C1orf198: variants seen among roughly 807,000 people sequenced by gnomAD.
C1orf198 encodes the protein uncharacterized protein C1orf198.
C1orf198 carries 17 observed loss-of-function variants against 31.4 expected under a neutral mutation model. The observed-to-expected ratio is 0.54, with a 90% CI of 0.37 to 0.81. The LOEUF is 0.81. Among genes scored for constraint, C1orf198 ranks in the 40% least tolerant of loss-of-function variants. The pLI is 0.00. For synonymous variants in C1orf198, 175 were observed against 193.8 expected (o/e 0.90, Z 0.81); for missense variants, 401 against 450.3 (o/e 0.89, Z 0.99).
chr1:230,847,235 C>T (rs1189707111), intron 2 of C1orf198, among the ~76,000 whole-genome samples: 10 of 149,664 alleles, frequency 6.7e-5, no homozygotes, highest in South Asian at 2.1e-4. Flanking sequence ...GCCGAGATCG[C>T]GCCACTGCAC....
chr1:230,846,685 G>A (rs953574489), intron 2 of C1orf198, among the ~76,000 whole-genome samples: 3 of 152,254 alleles, frequency 2.0e-5, no homozygotes, highest in Admixed American at 6.5e-5. Flanking sequence ...CCCATGGGCT[G>A]GACGCGGTGG....
At chr1:230,842,388 T>C (rs774628719) in intron 3 of C1orf198, among the ~76,000 whole-genome samples, 3 of 152,194 alleles carry the variant, frequency 2.0e-5, no homozygotes, top group Non-Finnish European at 4.4e-5. Flanking sequence ...GTGGTATATA[T>C]ATACGATGGA....
At chr1:230,844,307 T>C (rs1669529886) in intron 2 of C1orf198, among the ~76,000 whole-genome samples, 1 of 151,940 alleles carries the variant, frequency 6.6e-6, no homozygotes, top group South Asian at 2.1e-4. Flanking sequence ...TAAAAGGGTG[T>C]GGCACCTCCC....
At chr1:230,847,909 C>T (rs1472399616) in intron 2 of C1orf198, among the ~76,000 whole-genome samples, 3 of 152,206 alleles carry the variant, frequency 2.0e-5, no homozygotes, top group Non-Finnish European at 2.9e-5. Context: ...CATGGGTGTC[C>T]CTGCTAAGAA....
chr1:230,859,453 C>T (rs1427240896), intron 1 of C1orf198, among the ~76,000 whole-genome samples: 1 of 152,114 alleles, frequency 6.6e-6, no homozygotes, highest in Non-Finnish European at 1.5e-5. Flanking sequence ...CATTGTTGGC[C>T]AGGACTTATC....
rs1419738391 is a variant in C1orf198, at chr1:230,868,280, C to T, written c.233G>A (p.Arg78His). 2 of 1,589,628 alleles carry T rather than the reference C, an allele frequency of 1.3e-6. No individual in the cohort carries two copies. Among genetic ancestry groups the T allele is most frequent in the South Asian group, 2.2e-5 (2 of 88,996 alleles). The change falls in exon 1 of 4, where the codon CGC becomes CAC. Residue 78 changes from arginine to histidine, a missense_variant. Coordinates refer to ENST00000366663, the MANE Select transcript of C1orf198 (RefSeq NM_032800.3). ...EIIDRCLVGP[R>H]APAPRDPGDS... ...CCCGGGGTCTCGGGGCGCCGGGGCG[C>T]GCGGCCCCACCAGGCACCGGTCGAT...
rs1164560551 is a variant in C1orf198, at chr1:230,843,311, A to AG, written c.927+42dup. 1 of 1,542,714 alleles carries AG rather than the reference A, an allele frequency of 6.5e-7. No homozygotes were observed. Among genetic ancestry groups the AG allele is most frequent in the Admixed American group, 2.0e-5 (1 of 49,722 alleles). ...GGACCCTCTCGGTTCCCGTGGAATA[A>AG]GGCACCATCCCATCTGAGGACGCGC... On this transcript the variant is annotated intron_variant, in intron 3 of 3. Coordinates refer to ENST00000366663, the MANE Select transcript of C1orf198 (RefSeq NM_032800.3). The surrounding 1 kb of genome is among the most constrained non-coding windows in gnomAD (Gnocchi z 4.9).
chr1:230,840,038 C>G lies in C1orf198; in HGVS notation c.928-130G>C, dbSNP rs1669401449. 2.9e-6 allele frequency: 2 copies of G among 689,084 alleles called. No individual in the cohort carries two copies. Among genetic ancestry groups the G allele is most frequent in the Admixed American group, 3.2e-5 (1 of 31,300 alleles). 42.7% of individuals were successfully genotyped at this position (689,084 alleles called of 1,614,324 possible). ...ACTTCTGTCTCAGAGGTTCCCTGAC[C>G]TCAATTTATCTCAGTGCTTGAAATC... On this transcript the variant is annotated intron_variant, in intron 3 of 3. Transcript: ENST00000366663. The surrounding 1 kb of genome is among the most constrained non-coding windows in gnomAD (Gnocchi z 4.0).
At chr1:230,854,730 T>C (rs771883725) in intron 2 of C1orf198, among the ~76,000 whole-genome samples, 5 of 152,184 alleles carry the variant, frequency 3.3e-5, no homozygotes, top group African/African-American at 4.8e-5. Flanking sequence ...AATATTTCAT[T>C]TTAAGACACA....
chr1:230,866,264 C>G lies in C1orf198; in HGVS notation c.333+1916G>C, dbSNP rs192644338. On this transcript the variant is annotated intron_variant, in intron 1 of 3. Transcript: ENST00000366663. ...GCAGACACTGCAGGCAAAAATGTAC[C>G]CTGGGCCATGTTCCTATGTACCTCT... Among the ~76,000 whole-genome samples, 405 of 152,266 alleles carry G rather than the reference C, an allele frequency of 2.7e-3. 2 individuals carry two copies. The highest frequency in any genetic ancestry group is 4.2e-3 in the Non-Finnish European group (284 of 68,016).
Position 230,843,972 on chromosome 1 carries a change from C to A in C1orf198, c.385-76G>T. 7.1e-7 allele frequency: 1 copy of A among 1,411,944 alleles called. No individual in the cohort carries two copies. The highest frequency in any genetic ancestry group is 9.5e-7 in the Non-Finnish European group (1 of 1,056,502). The allele number at this position is 1,411,944 out of a possible 1,614,324, so 87.5% of individuals were successfully genotyped here. On this transcript the variant is annotated intron_variant, in intron 2 of 3. Transcript: ENST00000366663. The surrounding 1 kb of genome is among the most constrained non-coding windows in gnomAD (Gnocchi z 4.9). ...CGACCGTCACAAGTGTGCCAGCTCA[C>A]GCACCCCTCCTCAGCATAAGGACGC...
chr1:230,844,551 T>C (rs1191273717), intron 2 of C1orf198, among the ~76,000 whole-genome samples: 1 of 152,230 alleles, frequency 6.6e-6, no homozygotes, highest in Non-Finnish European at 1.5e-5. Flanking sequence ...CACTCCCTCA[T>C]GCACTATGCT....
intron 2 of C1orf198, 107 bp downstream of exon 2, chr1:230,855,561 G>T: frequency 8.4e-7 from 1 of 1,193,938 alleles, no homozygotes. Context: ...CCTGCAGCCT[G>T]GCAGTCAGGG....
At chr1:230,854,962 A>G (rs1461315473) in intron 2 of C1orf198, among the ~76,000 whole-genome samples, 1 of 152,172 alleles carries the variant, frequency 6.6e-6, no homozygotes. Context: ...ACACACTCTC[A>G]TGACGTAAAG....
At chr1:230,845,126 G>C (rs1442253670) in intron 2 of C1orf198, among the ~76,000 whole-genome samples, 3 of 151,590 alleles carry the variant, frequency 2.0e-5, no homozygotes, top group Non-Finnish European at 4.4e-5. Flanking sequence ...TAGCACTTTG[G>C]GAGGCTAAGG....
chr1:230,851,532 C>A (rs769932264), intron 2 of C1orf198, among the ~76,000 whole-genome samples: 5 of 152,186 alleles, frequency 3.3e-5, no homozygotes, highest in African/African-American at 1.2e-4. Flanking sequence ...GAGTTTTTTC[C>A]TCTCGAAACA....
chr1:230,865,923 T>C (rs74143509), intron 1 of C1orf198, among the ~76,000 whole-genome samples: 2,087 of 152,256 alleles, frequency 0.014, 28 homozygotes, highest in East Asian at 0.072. Flanking sequence ...TTCAAAGAAA[T>C]AGGCAGTGTC....
intron 2 of C1orf198, among the ~76,000 whole-genome samples, chr1:230,846,464 G>C (rs953526875): frequency 2.0e-5 from 3 of 152,252 alleles, no homozygotes; most frequent in African/African-American, 7.2e-5. Flanking sequence ...TCAGGGCAAG[G>C]ATGGAAATAC....
In C1orf198 at chr1:230,843,482, G is replaced by A; in HGVS notation, c.799C>T (p.Pro267Ser). ...NVSTERERPQ[P>S]VQAFSSALHE... ...AGTGCACTGCTGAAGGCCTGGACAG[G>A]CTGGGGTCTCTCACGTTCGGTGCTC... Residue 267 changes from proline to serine, a missense_variant, in exon 3 of 4, where the codon CCT becomes TCT. Physicochemically the swap from Pro to Ser is moderately conservative, Grantham distance 74. Coordinates refer to ENST00000366663, the MANE Select transcript of C1orf198 (RefSeq NM_032800.3). This position sits in a 1 kb window ranked among gnomAD's most constrained non-coding sequence, Gnocchi z 4.9. 6.2e-7 allele frequency: 1 copy of A among 1,612,064 alleles called. No homozygotes were observed. Among genetic ancestry groups the A allele is most frequent in the Non-Finnish European group, 8.5e-7 (1 of 1,179,152 alleles).
Sources: allele counts gnomAD v4.1 joint callset (sites outside exome capture counted in the v4.1 genomes callset), GRCh38; gene constraint gnomAD v4.1.1; non-coding constraint Gnocchi (gnomAD v3.1); transcripts MANE v1.5; gene names NCBI Gene and HGNC (gene_info 2026-07-23, HGNC 2026-07-21).